The following CD226 variants were observed in gnomAD, a reference collection of about 807,000 sequenced individuals.
The protein encoded by CD226 is CD226 molecule.
CD226 carries 24 observed loss-of-function variants against 34.9 expected under a neutral mutation model. That is an observed-to-expected ratio of 0.69 (90% CI 0.50 to 0.97). The LOEUF (loss-of-function observed/expected upper bound fraction) is 0.97. CD226 is among the 50% of genes least tolerant of loss of function. CD226 has a pLI of 0.00. For synonymous variants in CD226, 148 were observed against 147.4 expected (o/e 1.00, Z -0.03); for missense variants, 397 against 412.7 (o/e 0.96, Z 0.33).
At chr18:69,951,442 G>T (rs1379066248), upstream of CD226, among the ~76,000 whole-genome samples, 1 of 152,038 alleles carries the variant, frequency 6.6e-6, no homozygotes, top group Non-Finnish European at 1.5e-5. Flanking sequence ...CTCTCATTAT[G>T]CATGAACAAG....
chr18:69,895,689 G>GT lies in CD226; in HGVS notation c.727+11dup. 6.3e-7 allele frequency: 1 copy of GT among 1,596,430 alleles called. No homozygotes were observed. The highest frequency in any genetic ancestry group is 8.6e-7 in the Non-Finnish European group (1 of 1,164,834). On this transcript the variant is annotated intron_variant, in intron 3 of 5. Transcript: ENST00000582621. ...CATGTTTGATACCAGAAGATGTCTG[G>GT]TGCTCACTCACCCTCGGCTACAGTC...
At chr18:69,957,789 G>A (rs2055909241), upstream of CD226, among the ~76,000 whole-genome samples, 1 of 152,154 alleles carries the variant, frequency 6.6e-6, no homozygotes, top group African/African-American at 2.4e-5. Context: ...TGGGCCAGAG[G>A]TAGCCAGAGT....
chr18:69,898,115 G>A (rs1173179110), intron 2 of CD226, among the ~76,000 whole-genome samples: 2 of 151,944 alleles, frequency 1.3e-5, no homozygotes, highest in Admixed American at 6.6e-5. Flanking sequence ...TTAAAACAGG[G>A]AAAGGAAGAC....
chr18:69,946,206 A>G (rs1258692516), intron 2 of CD226, among the ~76,000 whole-genome samples: 1 of 128,728 alleles, frequency 7.8e-6, no homozygotes, highest in Non-Finnish European at 1.7e-5. Context: ...AAAAAAAAAA[A>G]AAGAAGGAAG....
chr18:69,939,119 G>C (rs565702906), intron 2 of CD226, among the ~76,000 whole-genome samples: 7 of 152,294 alleles, frequency 4.6e-5, no homozygotes, highest in African/African-American at 7.2e-5. Flanking sequence ...CAGTAGATTT[G>C]AAAGAAATCT....
At chr18:69,934,518 C>T (rs1403075306) in intron 2 of CD226, among the ~76,000 whole-genome samples, 1 of 152,136 alleles carries the variant, frequency 6.6e-6, no homozygotes, top group Non-Finnish European at 1.5e-5. Flanking sequence ...TCTGTTTGGC[C>T]ACGGTCACCA....
At chr18:69,910,489 C>A (rs1022878061) in intron 2 of CD226, among the ~76,000 whole-genome samples, 3 of 152,168 alleles carry the variant, frequency 2.0e-5, no homozygotes, top group African/African-American at 7.2e-5. Context: ...GGCTAGTATT[C>A]CTCAGGCCTC....
At chr18:69,899,993 C>A (rs1200027860) in intron 2 of CD226, among the ~76,000 whole-genome samples, 1 of 152,132 alleles carries the variant, frequency 6.6e-6, no homozygotes, top group Non-Finnish European at 1.5e-5. Flanking sequence ...ATGTTCACTG[C>A]AGCACTAATC....
intron 2 of CD226, among the ~76,000 whole-genome samples, chr18:69,902,338 C>T (rs2055197707): frequency 6.6e-6 from 1 of 152,074 alleles, no homozygotes; most frequent in Non-Finnish European, 1.5e-5. Context: ...TCCTGCTCGG[C>T]CTCACCCTTT....
intron 5 of CD226, among the ~76,000 whole-genome samples, chr18:69,865,203 T>C (rs186988732): frequency 3.9e-4 from 60 of 152,286 alleles, no homozygotes; most frequent in African/African-American, 1.4e-3. Context: ...TTGGCCAGGC[T>C]GGTCTCAAAC....
chr18:69,901,693 CAT>C (rs2055186451), intron 2 of CD226, among the ~76,000 whole-genome samples: 1 of 152,054 alleles, frequency 6.6e-6, no homozygotes, highest in Non-Finnish European at 1.5e-5. Flanking sequence ...TCCTGGCTAA[CAT>C]GGTGAAACCC....
chr18:69,959,136 G>A (rs2055917992), upstream of CD226, among the ~76,000 whole-genome samples: 1 of 151,922 alleles, frequency 6.6e-6, no homozygotes. Context: ...AGCAAACAGG[G>A]GAAATGTTGA....
Position 69,859,301 on chromosome 18 carries a change from A to T in CD226, c.*5013T>A, listed in dbSNP as rs889260529. 6.6e-6 allele frequency: 1 copy of T among 152,098 alleles called. No homozygotes were observed. Among genetic ancestry groups the T allele is most frequent in the Non-Finnish European group, 1.5e-5 (1 of 68,004 alleles). 9.4% of individuals were successfully genotyped at this position (152,098 alleles called of 1,614,324 possible). On this transcript the variant is annotated 3_prime_UTR_variant, in exon 6 of 6. Transcript: ENST00000582621. ...TCCTGCTGCATCACAGGGGAGTTTC[A>T]GGTCAATTTATGGTAAATACAGAAA...
intron 3 of CD226, among the ~76,000 whole-genome samples, chr18:69,878,377 C>A (rs1984008698): frequency 6.6e-6 from 1 of 152,144 alleles, no homozygotes; most frequent in Non-Finnish European, 1.5e-5. Flanking sequence ...AGGATTGTGA[C>A]CCTCTAGGCT....
intron 2 of CD226, among the ~76,000 whole-genome samples, chr18:69,910,123 A>T (rs897352312): frequency 4.6e-5 from 7 of 152,362 alleles, no homozygotes; most frequent in Non-Finnish European, 1.0e-4. Context: ...TATGCATTTT[A>T]AAATTTCTGT....
At chr18:69,952,616 C>G (rs933883806), upstream of CD226, among the ~76,000 whole-genome samples, 3 of 152,116 alleles carry the variant, frequency 2.0e-5, no homozygotes, top group African/African-American at 7.2e-5. Flanking sequence ...AATGGGTTGA[C>G]CTAAATATAA....
Position 69,854,508 on chromosome 18 carries a change from G to A in CD226, c.*9806C>T, listed in dbSNP as rs1033003671. On this transcript the variant is annotated 3_prime_UTR_variant, in exon 6 of 6. Transcript: ENST00000582621. ...TTCCTCGTGGCTCTGGCAACAGATA[G>A]AGAGGGACATCCATTGAGAAATAAG... The A allele has an allele frequency of 6.6e-6, 1 of 152,300 alleles. No homozygotes were observed. Among genetic ancestry groups the A allele is most frequent in the Non-Finnish European group, 1.5e-5 (1 of 68,098 alleles). The allele number at this position is 152,300 out of a possible 1,614,324, so 9.4% of individuals were successfully genotyped here. A position where few individuals can be genotyped will look rare whatever the true frequency, so the allele number is the denominator to read the frequency against.
chr18:69,955,898 A>C, intron 1 of CD226, among the ~76,000 whole-genome samples: 1 of 151,066 alleles, frequency 6.6e-6, no homozygotes. Flanking sequence ...CCTCAGGAAC[A>C]CAATAGTCTG....
At chr18:69,953,071 G>A (rs2055867372) in intron 1 of CD226, among the ~76,000 whole-genome samples, 1 of 152,186 alleles carries the variant, frequency 6.6e-6, no homozygotes, top group Non-Finnish European at 1.5e-5. Flanking sequence ...ATATGTTAGG[G>A]AAAATGTGGA....
Sources: allele counts gnomAD v4.1 joint callset (sites outside exome capture counted in the v4.1 genomes callset), GRCh38; gene constraint gnomAD v4.1.1; transcripts MANE v1.5; gene names NCBI Gene and HGNC (gene_info 2026-07-23, HGNC 2026-07-21).